Variants in DZANK1 observed in about 807,000 individuals in gnomAD.
DZANK1 encodes the protein double zinc ribbon and ankyrin repeat domains 1.
DZANK1 carries 91 observed loss-of-function variants against 94.5 expected under a neutral mutation model. The observed-to-expected ratio is 0.96, with a 90% CI of 0.81 to 1.15. The LOEUF is 1.15. Among genes scored for constraint, DZANK1 ranks in the 50% most tolerant of loss-of-function variants. DZANK1 has a pLI of 0.00. For synonymous variants in DZANK1, 312 were observed against 325.3 expected (o/e 0.96, Z 0.44); for missense variants, 903 against 916.4 (o/e 0.99, Z 0.19).
Position 18,441,491 on chromosome 20 carries a change from C to A in DZANK1, c.747+1856G>T, listed in dbSNP as rs987944656. On this transcript the variant is annotated intron_variant, in intron 8 of 20. Transcript: ENST00000262547. This position sits in a 1 kb window ranked among gnomAD's most constrained non-coding sequence, Gnocchi z 4.1. ...AGGGATTAACTACTAATGGGTAAAG[C>A]AGATTCTACATATACAGAAATTCCA... Among the ~76,000 whole-genome samples, 2 of 152,210 alleles carry A rather than the reference C, an allele frequency of 1.3e-5. No homozygotes were observed. Among genetic ancestry groups the A allele is most frequent in the African/African-American group, 2.4e-5 (1 of 41,464 alleles).
intron 2 of DZANK1, among the ~76,000 whole-genome samples, chr20:18,464,079 CTT>C (rs539384962): frequency 6.9e-6 from 1 of 144,922 alleles, no homozygotes. Context: ...TTTTCTTTTT[CTT>C]TTTTTTTTTT....
intron 15 of DZANK1, 193 bp from the exon 16 acceptor site, chr20:18,394,543 A>C (rs1600731374): frequency 2.9e-6 from 2 of 689,986 alleles, no homozygotes; most frequent in Admixed American, 4.0e-5. Flanking sequence ...TCTGCCCCTT[A>C]CCCGCGGCTC....
intron 6 of DZANK1, among the ~76,000 whole-genome samples, chr20:18,452,309 C>A (rs2148754083): frequency 6.6e-6 from 1 of 152,286 alleles, no homozygotes; most frequent in African/African-American, 2.4e-5. Context: ...GCTGATGCTG[C>A]AGGTCTGGGG....
intron 2 of DZANK1, 123 bp from the exon 3 acceptor site, chr20:18,460,429 A>C: frequency 1.2e-6 from 1 of 816,108 alleles, no homozygotes; most frequent in African/African-American, 1.7e-5. Flanking sequence ...ATTTAAGTTA[A>C]GATTTAAAGT....
intron 13 of DZANK1, among the ~76,000 whole-genome samples, chr20:18,403,371 T>C (rs568398300): frequency 1.2e-4 from 18 of 152,226 alleles, no homozygotes; most frequent in South Asian, 4.1e-4. Flanking sequence ...TGGTGCCACA[T>C]TGAAAAAACA....
chr20:18,398,410 G>T, intron 14 of DZANK1, 113 bp downstream of exon 14: 1 of 887,560 alleles, frequency 1.1e-6, no homozygotes, highest in South Asian at 1.5e-5. Context: ...GTAGAAAGCA[G>T]AGCAGGAAAG....
rs141536016 is a variant in DZANK1, at chr20:18,396,472, C to T, written c.1611G>A (p.Lys537=). 1.5e-4 allele frequency: 248 copies of T among 1,611,578 alleles called. 3 individuals are homozygous for T. In the East Asian group the frequency reaches 5.1e-3, roughly 33 times the overall value. The change falls in exon 15 of 21, where the codon AAG becomes AAA. Residue 537 remains lysine, a splice_region_variant and synonymous_variant. Transcript: ENST00000262547. The stretch of plus-strand genomic sequence containing the variant: ...GAATAACTTCTGGAGGCTTACTCAC[C>T]TTGTTTGAGACTTGACTATAATTCA...
intron 13 of DZANK1, among the ~76,000 whole-genome samples, chr20:18,404,100 T>G (rs1410386506): frequency 6.6e-6 from 1 of 152,062 alleles, no homozygotes; most frequent in East Asian, 1.9e-4. Context: ...CACAGATTCT[T>G]AAACTTTCTT....
chr20:18,394,318 G>A (rs761062990), exon 16 of DZANK1: 8 of 1,613,758 alleles, frequency 5.0e-6, no homozygotes, highest in Admixed American at 3.3e-5. Flanking sequence ...GAAGGTGATC[G>A]CTGAAATTCA....
At chr20:18,400,257 G>C (rs2056598230) in intron 13 of DZANK1, among the ~76,000 whole-genome samples, 1 of 152,178 alleles carries the variant, frequency 6.6e-6, no homozygotes, top group Non-Finnish European at 1.5e-5. Context: ...AGCAGGACAA[G>C]GAAGGGAAGG....
chr20:18,390,893 ACTT>A (rs2055925659), intron 17 of DZANK1, among the ~76,000 whole-genome samples: 1 of 152,112 alleles, frequency 6.6e-6, no homozygotes, highest in Admixed American at 6.5e-5. Context: ...CAATAAATTG[ACTT>A]CTTCTTTAGA....
chr20:18,457,585 A>G (rs1243503390), intron 3 of DZANK1, among the ~76,000 whole-genome samples: 1 of 152,240 alleles, frequency 6.6e-6, no homozygotes. Context: ...TGACAGAAGC[A>G]CGATAGCAAG....
rs148142152 is a variant in DZANK1, at chr20:18,392,437, G to C, written c.1809+1274C>G. Among the ~76,000 whole-genome samples, 3 of 152,328 alleles carry C rather than the reference G, an allele frequency of 2.0e-5. No individual in the cohort carries two copies. The East Asian group carries it at 5.8e-4, about 29-fold the overall frequency. ...AGGCAAGCTGGGCAGCTAGTGCACT[G>C]ACAAGGCGGCGTTGAGGGCCTGGCC... On this transcript the variant is annotated intron_variant, in intron 17 of 20. Transcript: ENST00000262547.
chr20:18,394,634 A>T (rs765518149), intron 15 of DZANK1: 7 of 604,170 alleles, frequency 1.2e-5, no homozygotes, highest in Non-Finnish European at 2.2e-5. Context: ...GCCTTTCAAC[A>T]GGGGTCTGCC....
At position 18,427,053 on chromosome 20, in the gene DZANK1, T is replaced by C. The variant is rs1486083882; in HGVS notation, c.954+14A>G. Reference sequence around the variant, plus strand: ...AGCCACTAAATATAGGATTGGCACATGCAATCAACCTACCTCTTGTGATGA... The same window carrying C: ...AGCCACTAAATATAGGATTGGCACACGCAATCAACCTACCTCTTGTGATGA... On this transcript the variant is annotated intron_variant, in intron 10 of 20. Transcript: ENST00000262547. The C allele has an allele frequency of 1.9e-6, 3 of 1,586,274 alleles. No homozygotes were observed. The highest frequency in any genetic ancestry group is 3.4e-5 in the Admixed American group (2 of 59,388).
exon 13 of DZANK1, chr20:18,412,815 G>A (rs2057322327): frequency 6.2e-7 from 1 of 1,613,802 alleles, no homozygotes; most frequent in African/African-American, 1.3e-5. Flanking sequence ...CATCAGATCT[G>A]GGCAAAGGAA....
chr20:18,432,583 G>A (rs772406974), intron 9 of DZANK1: 11 of 152,212 alleles, frequency 7.2e-5, no homozygotes, highest in Non-Finnish European at 1.2e-4. Context: ...GCTAAAGGGA[G>A]CTTGAAGGTG....
chr20:18,456,252 T>C (rs1297226894), intron 3 of DZANK1, among the ~76,000 whole-genome samples: 2 of 152,186 alleles, frequency 1.3e-5, no homozygotes, highest in Non-Finnish European at 2.9e-5. Context: ...TCAAATACTA[T>C]CATGTTTTCC....
intron 8 of DZANK1, among the ~76,000 whole-genome samples, chr20:18,435,456 G>A (rs892015196): frequency 6.6e-6 from 1 of 152,174 alleles, no homozygotes; most frequent in Non-Finnish European, 1.5e-5. Flanking sequence ...GGACATGGAT[G>A]AAGCTGGAAG....
Sources: allele counts gnomAD v4.1 joint callset (sites outside exome capture counted in the v4.1 genomes callset), GRCh38; gene constraint gnomAD v4.1.1; non-coding constraint Gnocchi (gnomAD v3.1); transcripts MANE v1.5; gene names NCBI Gene and HGNC (gene_info 2026-07-23, HGNC 2026-07-21).